PER3: variants seen among roughly 807,000 people sequenced by gnomAD.
The protein encoded by PER3 is period circadian regulator 3.
A neutral mutation model predicts 127.2 loss-of-function variants in PER3; 107 were observed. That is an observed-to-expected ratio of 0.84 (90% CI 0.72 to 0.99). PER3 has a LOEUF of 0.99. Among genes scored for constraint, PER3 ranks in the 50% least tolerant of loss-of-function variants. The probability of loss-of-function intolerance (pLI) is 0.00; values close to 1 mark genes in which losing one functional copy is unlikely to be tolerated. For missense variants in PER3, 1,560 were observed against 1,525.8 expected, an observed-to-expected ratio of 1.02 and a Z score of -0.37; for synonymous variants, 618 against 585.8, an observed-to-expected ratio of 1.05 and a Z score of -0.79.
In PER3 at chr1:7,815,086, G is replaced by A. The variant is rs1242476292; in HGVS notation, c.1523-4199G>A. On this transcript the variant is annotated intron_variant, in intron 13 of 21. Transcript: ENST00000377532. ...GAGGATCACTTGAGCCCAGGAGTTC[G>A]AGTCCAGCCTGGGCAACGTAGCCAT... 3.3e-5 allele frequency among the ~76,000 whole-genome samples: 5 copies of A among 152,212 alleles called. No homozygotes were observed. The East Asian group carries it at 7.7e-4, about 23-fold the overall frequency.
At chr1:7,834,103 A>G (rs771993163) in intron 19 of PER3, among the ~76,000 whole-genome samples, 4 of 152,022 alleles carry the variant, frequency 2.6e-5, no homozygotes, top group Non-Finnish European at 5.9e-5. Context: ...TATTTTTAGT[A>G]TAGACGGAGT....
chr1:7,801,097 G>A lies in PER3; in HGVS notation c.794-16G>A. On this transcript the variant is annotated splice_polypyrimidine_tract_variant and intron_variant, in intron 7 of 21. Transcript: ENST00000377532. Reference sequence around the variant, plus strand: ...GATATTTGCCTTTAAATGGGTCTTTGTTTTTTTTTCCTTAGCTCCTCGGAT... The same window carrying A: ...GATATTTGCCTTTAAATGGGTCTTTATTTTTTTTTCCTTAGCTCCTCGGAT... The A allele has an allele frequency of 7.8e-7, 1 of 1,276,952 alleles. No individual in the cohort carries two copies. The highest frequency in any genetic ancestry group is 1.1e-6 in the Non-Finnish European group (1 of 906,428). The allele number at this position is 1,276,952 out of a possible 1,614,324, so 79.1% of individuals were successfully genotyped here. A position where few individuals can be genotyped will look rare whatever the true frequency, so the allele number is the denominator to read the frequency against.
intron 5 of PER3, among the ~76,000 whole-genome samples, chr1:7,789,961 T>C (rs940811247): frequency 6.6e-6 from 1 of 152,212 alleles, no homozygotes; most frequent in South Asian, 2.1e-4. Context: ...TTTCTCTGCT[T>C]TTGTTAGCTG....
chr1:7,820,301 C>T (rs1307051870), intron 15 of PER3, 62 bp downstream of exon 15: 2 of 1,537,616 alleles, frequency 1.3e-6, no homozygotes, highest in Admixed American at 3.6e-5. Flanking sequence ...TCTTGTTTCT[C>T]TTTAATGTCT....
chr1:7,825,554 G>A (rs1376177945), intron 16 of PER3, among the ~76,000 whole-genome samples: 1 of 152,116 alleles, frequency 6.6e-6, no homozygotes, highest in Admixed American at 6.6e-5. Context: ...GTAAAGATGG[G>A]GTCAGAGAGG....
intron 13 of PER3, among the ~76,000 whole-genome samples, chr1:7,818,398 C>T (rs2097261037): frequency 6.6e-6 from 1 of 152,128 alleles, no homozygotes; most frequent in South Asian, 2.1e-4. Context: ...AATAGAGAAG[C>T]CTCTTCCAAG....
intron 8 of PER3, among the ~76,000 whole-genome samples, 180 bp downstream of exon 8, chr1:7,801,371 A>G (rs1403497632): frequency 6.6e-6 from 1 of 152,234 alleles, no homozygotes; most frequent in Non-Finnish European, 1.5e-5. Flanking sequence ...TATTTTGCAT[A>G]TTATAAAGTG....
At chr1:7,802,526 A>T (rs2097175009) in intron 8 of PER3, among the ~76,000 whole-genome samples, 2 of 152,128 alleles carry the variant, frequency 1.3e-5, no homozygotes, top group African/African-American at 2.4e-5. Flanking sequence ...CAGCCTCCCA[A>T]AGTGCTGGGA....
At chr1:7,825,086 C>G (rs1369433411) in intron 16 of PER3, among the ~76,000 whole-genome samples, 1 of 150,734 alleles carries the variant, frequency 6.6e-6, no homozygotes, top group African/African-American at 2.4e-5. Context: ...GTCCCTGTTA[C>G]TACAACTTGG....
intron 18 of PER3, among the ~76,000 whole-genome samples, chr1:7,828,688 G>A (rs1333155725): frequency 6.6e-6 from 1 of 152,202 alleles, no homozygotes; most frequent in African/African-American, 2.4e-5. Flanking sequence ...TCCCAGCTCG[G>A]TCACTAGTTA....
Position 7,812,348 on chromosome 1 carries a change from C to T in PER3, c.1522+1760C>T, listed in dbSNP as rs531808072. Among the ~76,000 whole-genome samples the T allele has an allele frequency of 9.9e-5, 15 of 150,760 alleles. No individual in the cohort carries two copies. The South Asian group carries it at 3.0e-3, about 30-fold the overall frequency. On this transcript the variant is annotated intron_variant, in intron 13 of 21. Transcript: ENST00000377532. The stretch of plus-strand genomic sequence containing the variant: ...TTATAAAATTGAAGCTGCAGGTGGC[C>T]GGGTGCAGTGGCTCATGCCTGTAAT...
chr1:7,837,919 G>T (rs2151292542), intron 21 of PER3, among the ~76,000 whole-genome samples: 1 of 152,250 alleles, frequency 6.6e-6, no homozygotes, highest in Non-Finnish European at 1.5e-5. Context: ...AAAACAATTA[G>T]CCAGGTGTGG....
intron 21 of PER3, among the ~76,000 whole-genome samples, chr1:7,839,993 G>A (rs2097377090): frequency 6.6e-6 from 1 of 151,678 alleles, no homozygotes; most frequent in Non-Finnish European, 1.5e-5. Flanking sequence ...TCTTCCTCTG[G>A]GGCCCCTGTA....
intron 3 of PER3, 68 bp from the exon 4 acceptor site, chr1:7,786,653 G>A: frequency 1.2e-6 from 1 of 821,482 alleles, no homozygotes; most frequent in Non-Finnish European, 2.1e-6. Context: ...CAGCTTGATA[G>A]TGATGAAATG....
intron 6 of PER3, among the ~76,000 whole-genome samples, chr1:7,797,307 G>A (rs2097149959): frequency 6.6e-6 from 1 of 152,074 alleles, no homozygotes. Flanking sequence ...GGTGCAGAGT[G>A]GGAGAAGATT....
In PER3 at chr1:7,843,927, G is replaced by T; in HGVS notation, c.*1172G>T. 1 of 1,284,192 alleles carries T rather than the reference G, an allele frequency of 7.8e-7. No individual in the cohort carries two copies. The highest frequency in any genetic ancestry group is 1.0e-6 in the Non-Finnish European group (1 of 981,350). The allele number at this position is 1,284,192 out of a possible 1,614,324, so 79.5% of individuals were successfully genotyped here. A position where few individuals can be genotyped will look rare whatever the true frequency, so the allele number is the denominator to read the frequency against. ...AGTCCCTGATTCCTTCTTAAACTTG[G>T]AATGATAGATGAAATTCACACCCCT... is the stretch of plus-strand genomic sequence containing the variant. On this transcript the variant is annotated 3_prime_UTR_variant, in exon 22 of 22. Coordinates refer to ENST00000377532, the MANE Select transcript of PER3 (RefSeq NM_001377275.1).
intron 11 of PER3, 106 bp from the exon 12 acceptor site, chr1:7,809,787 A>G: frequency 9.4e-7 from 1 of 1,058,546 alleles, no homozygotes; most frequent in South Asian, 1.6e-5. Flanking sequence ...CTAATTTAGT[A>G]TTTCAGGAAT....
chr1:7,812,327 A>G (rs1325602867), intron 13 of PER3, among the ~76,000 whole-genome samples: 1 of 151,988 alleles, frequency 6.6e-6, no homozygotes, highest in African/African-American at 2.4e-5. Flanking sequence ...CACTTTTTAT[A>G]AAATTGAAGC....
At chr1:7,814,056 G>T (rs540059972) in intron 13 of PER3, among the ~76,000 whole-genome samples, 126 of 152,254 alleles carry the variant, frequency 8.3e-4, no homozygotes, top group African/African-American at 2.9e-3. Flanking sequence ...GATGAGGAAC[G>T]CATTTGATAG....
Sources: allele counts gnomAD v4.1 joint callset (sites outside exome capture counted in the v4.1 genomes callset), GRCh38; gene constraint gnomAD v4.1.1; transcripts MANE v1.5; gene names NCBI Gene and HGNC (gene_info 2026-07-23, HGNC 2026-07-21).